Variants in SYMPK observed in about 807,000 individuals in gnomAD.
The protein encoded by SYMPK is symplekin.
In SYMPK, 49 loss-of-function variants were observed where a neutral mutation model predicts 136.4. That is an observed-to-expected ratio of 0.36 (90% CI 0.29 to 0.46). The LOEUF is 0.46. SYMPK is among the 20% of genes least tolerant of loss of function. The pLI is 1.00. For missense variants in SYMPK, 1,365 were observed against 1,690.0 expected, an observed-to-expected ratio of 0.81 and a Z score of 3.37; for synonymous variants, 766 against 713.0, an observed-to-expected ratio of 1.07 and a Z score of -1.19.
chr19:45,838,570 C>A lies in SYMPK; in HGVS notation c.1133G>T (p.Gly378Val). ...EDDEDKDLEP[G>V]PSGTSKASAQ... ...TGAGGCCTTCGAGGTCCCCGACGGG[C>A]CTGGCTCCAAGTCTTTGTCCTCATC... The change falls in exon 10 of 27, where the codon GGC becomes GTC. Residue 378 changes from glycine (G) to valine (V), a missense_variant. Gly to Val is a moderately radical substitution (Grantham distance 109, BLOSUM62 -3). Around this residue, in one of 11 missense-constraint regions of SYMPK, gnomAD observed 111 missense variants for 141.2 expected, o/e 0.79. Transcript: ENST00000245934. 6.2e-7 allele frequency: 1 copy of A among 1,614,220 alleles called. No homozygotes were observed. Among genetic ancestry groups the A allele is most frequent in the Non-Finnish European group, 8.5e-7 (1 of 1,180,038 alleles).
At chr19:45,860,003 A>G (rs1971925407) in intron 1 of SYMPK, among the ~76,000 whole-genome samples, 1 of 149,314 alleles carries the variant, frequency 6.7e-6, no homozygotes, top group Non-Finnish European at 1.5e-5. Context: ...GGTGCCATGA[A>G]CCTTTAGTCC....
In SYMPK at chr19:45,854,491, G is replaced by A. The variant is rs773604683; in HGVS notation, c.5C>T (p.Ala2Val). Residue 2 changes from alanine (A) to valine (V), a missense_variant, in exon 2 of 27, where the codon GCG becomes GTG. Around this residue, in one of 11 missense-constraint regions of SYMPK, gnomAD observed 61 missense variants for 80.7 expected, o/e 0.76. Transcript: ENST00000245934. ...GGTGACGCTGTCTCCACTGCCGCTC[G>A]CCATGGCTGCTGTCAGCTTGTCCCC... is the stretch of plus-strand genomic sequence containing the variant. M[A>V]SGSGDSVTRR... The A allele has an allele frequency of 6.2e-6, 10 of 1,613,526 alleles. No individual in the cohort carries two copies. Among genetic ancestry groups the A allele is most frequent in the Admixed American group, 5.0e-5 (3 of 60,022 alleles).
chr19:45,839,910 GT>G (rs1971395424), intron 9 of SYMPK, among the ~76,000 whole-genome samples: 3 of 152,248 alleles, frequency 2.0e-5, no homozygotes, highest in Admixed American at 2.0e-4. Context: ...ATTTTACATA[GT>G]TTCAAATATC....
At chr19:45,861,068 C>G (rs938395229) in intron 1 of SYMPK, among the ~76,000 whole-genome samples, 11 of 152,140 alleles carry the variant, frequency 7.2e-5, no homozygotes, top group African/African-American at 2.7e-4. Context: ...ACCAGACAAC[C>G]GGCATGGCAT....
In SYMPK at chr19:45,829,121, C is replaced by A. The variant is rs1971112883; in HGVS notation, c.1834G>T (p.Val612Leu). ...AEVLSFILED[V>L]RARLDLAFAW... ...AAGGCCAGGTCCAGGCGGGCCCGCACATCCTCCAGGATGAAGGACAGGACC... is the reference window on the plus strand; with the variant it reads ...AAGGCCAGGTCCAGGCGGGCCCGCAAATCCTCCAGGATGAAGGACAGGACC... The change falls in exon 14 of 27, where the codon GTG (valine) becomes TTG (leucine). Residue 612 changes from valine (V) to leucine (L), a missense_variant. Val to Leu is a conservative substitution (Grantham distance 32, BLOSUM62 1). This residue lies in a region of SYMPK where 303 missense variants were observed against 326.6 expected (regional missense o/e 0.93). Transcript: ENST00000245934. The A allele has an allele frequency of 1.9e-6, 3 of 1,614,198 alleles. No homozygotes were observed. Among genetic ancestry groups the A allele is most frequent in the Non-Finnish European group, 2.5e-6 (3 of 1,180,034 alleles).
chr19:45,835,750 A>G (rs774909416), intron 10 of SYMPK, among the ~76,000 whole-genome samples: 2 of 152,068 alleles, frequency 1.3e-5, no homozygotes, highest in Non-Finnish European at 2.9e-5. Context: ...TGTCTCTACT[A>G]AAAATACAAA....
chr19:45,822,532 G>A (rs1333177872), intron 21 of SYMPK, among the ~76,000 whole-genome samples: 5 of 152,306 alleles, frequency 3.3e-5, no homozygotes, highest in East Asian at 3.9e-4. Context: ...TGGAGCCTCC[G>A]CCCCTAGCTC....
At position 45,821,502 on chromosome 19, in the gene SYMPK, G is replaced by T. The variant is rs370576166; in HGVS notation, c.2792-17C>A. The T allele has an allele frequency of 3.2e-6, 5 of 1,579,150 alleles. No homozygotes were observed. The Admixed American group carries it at 8.4e-5, about 26-fold the overall frequency. On this transcript the variant is annotated splice_polypyrimidine_tract_variant and intron_variant, in intron 21 of 26. Coordinates refer to ENST00000245934, the MANE Select transcript of SYMPK (RefSeq NM_004819.3). This position sits in a 1 kb window ranked among gnomAD's most constrained non-coding sequence, Gnocchi z 4.4. ...TTCCCTCACCTGCAGCAGGCGGGAG[G>T]AAGGGTGGGGGAAGACAGTGCGGAC...
At position 45,847,092 on chromosome 19, in the gene SYMPK, C is replaced by T. The variant is rs796513616; in HGVS notation, c.676+660G>A. Among the ~76,000 whole-genome samples the T allele has an allele frequency of 6.2e-4, 95 of 152,168 alleles. 1 individual carries two copies. Among genetic ancestry groups the T allele is most frequent in the African/African-American group, 2.2e-3 (91 of 41,534 alleles). On this transcript the variant is annotated intron_variant, in intron 7 of 26. Transcript: ENST00000245934. ...TATAAGCATGAGCCACCACACCTGG[C>T]CTATGTCCTACTTTTATAATTTGCA...
chr19:45,829,915 G>A (rs1971128687), intron 13 of SYMPK, 139 bp downstream of exon 13: 1 of 972,262 alleles, frequency 1.0e-6, no homozygotes, highest in Non-Finnish European at 1.5e-6. Flanking sequence ...GGAGTGATCT[G>A]GAGAAGCGGC....
At chr19:45,857,260 AT>A (rs1445790552) in intron 1 of SYMPK, among the ~76,000 whole-genome samples, 4 of 150,350 alleles carry the variant, frequency 2.7e-5, no homozygotes, top group African/African-American at 7.4e-5. Flanking sequence ...ATACAAAAAA[AT>A]ATGCCGGGCA....
chr19:45,816,480 ACCT>A lies in SYMPK; in HGVS notation c.3353_3354+1del, dbSNP rs758308876. 12 of 1,610,040 alleles carry A rather than the reference ACCT, an allele frequency of 7.5e-6. No individual in the cohort carries two copies. In the South Asian group the frequency reaches 7.7e-5, roughly 10 times the overall value. On this transcript the variant is annotated splice_donor_variant and coding_sequence_variant, in exon 25 of 27. Coordinates refer to ENST00000245934, the MANE Select transcript of SYMPK (RefSeq NM_004819.3). LOFTEE classifies it high-confidence loss of function. ...CAGATGGGTGGGCTGCAGGGCCCTC[ACCT>A]CCTCCAAGGGCCCCGCAGGCGCCTC... is the stretch of plus-strand genomic sequence containing the variant.
In SYMPK at chr19:45,844,071, A is replaced by G. The variant is rs910067552; in HGVS notation, c.806T>C (p.Met269Thr). ...SLANIARQRP[M>T]FMSEVIQAYE... ...GGCCTGGATCACCTCAGACATGAACATGGGTCTCTGGCGGGCGATATTGGC... is the reference window on the plus strand; with the variant it reads ...GGCCTGGATCACCTCAGACATGAACGTGGGTCTCTGGCGGGCGATATTGGC... Residue 269 changes from methionine (M) to threonine (T), a missense_variant, in exon 8 of 27, where the codon ATG becomes ACG. Met to Thr is a moderately conservative substitution (Grantham distance 81). Coordinates refer to ENST00000245934, the MANE Select transcript of SYMPK (RefSeq NM_004819.3). 3 of 1,609,032 alleles carry G rather than the reference A, an allele frequency of 1.9e-6. No individual in the cohort carries two copies. The highest frequency in any genetic ancestry group is 2.5e-6 in the Non-Finnish European group (3 of 1,177,630).
intron 3 of SYMPK, among the ~76,000 whole-genome samples, chr19:45,853,869 A>G (rs931642305): frequency 2.0e-5 from 3 of 152,168 alleles, no homozygotes; most frequent in African/African-American, 7.2e-5. Context: ...GCAATGATGA[A>G]GAGTGTAGGA....
Position 45,848,741 on chromosome 19 carries a change from C to A in SYMPK, c.426+9G>T. ...GCAGGATGGCCCTGGGTGGGGAGGG[C>A]GCTCTCACCTGCAGGGCCACCTTGT... On this transcript the variant is annotated intron_variant, in intron 6 of 26. Coordinates refer to ENST00000245934, the MANE Select transcript of SYMPK (RefSeq NM_004819.3). 2 of 1,613,138 alleles carry A rather than the reference C, an allele frequency of 1.2e-6. No individual in the cohort carries two copies. The highest frequency in any genetic ancestry group is 8.5e-7 in the Non-Finnish European group (1 of 1,179,970).
Position 45,821,144 on chromosome 19 carries a change from GA to G in SYMPK, c.2893+239del. On this transcript the variant is annotated intron_variant, in intron 22 of 26. Transcript: ENST00000245934. The surrounding 1 kb of genome is among the most constrained non-coding windows in gnomAD (Gnocchi z 4.4). The stretch of plus-strand genomic sequence containing the variant: ...GGGCACAGCAGGTACATCAGAGGCA[GA>G]AAAAGGTGGGTTGTAAAGGGTAAAA... 5.9e-6 allele frequency: 3 copies of G among 510,646 alleles called. No homozygotes were observed. The highest frequency in any genetic ancestry group is 1.6e-5 in the South Asian group (1 of 63,812). 31.6% of individuals were successfully genotyped at this position (510,646 alleles called of 1,614,324 possible).
rs1235293162 is a variant in SYMPK, at chr19:45,830,100, C to T, written c.1703G>A (p.Arg568Gln). 76 of 1,574,548 alleles carry T rather than the reference C, an allele frequency of 4.8e-5. No individual in the cohort carries two copies. Among genetic ancestry groups the T allele is most frequent in the Non-Finnish European group, 6.1e-5 (71 of 1,158,496 alleles). The change falls in exon 13 of 27, where the codon CGG becomes CAG. Residue 568 changes from arginine (R) to glutamine (Q), a missense_variant. By Grantham distance (43) the Arg-to-Gln change is conservative. This residue lies in a region of SYMPK where 303 missense variants were observed against 326.6 expected (regional missense o/e 0.93). Coordinates refer to ENST00000245934, the MANE Select transcript of SYMPK (RefSeq NM_004819.3). The part of the protein sequence containing the change: ...VEAMKLGAVK[R>Q]ILRAEKAVAC... Reference sequence around the variant, plus strand: ...CACAGCCTTCTCAGCCCGCAGGATCCGCTTCACAGCGCCCAGCTTCATGGC... The same window carrying T: ...CACAGCCTTCTCAGCCCGCAGGATCTGCTTCACAGCGCCCAGCTTCATGGC...
At position 45,852,382 on chromosome 19, in the gene SYMPK, TCTC is replaced by T; in HGVS notation, c.226_228del (p.Glu76del). ...GACTTGTCTGCTTGGAATGCGATGA[TCTC>T]CTGCCAATGTTAGAGAGAAAGTGGA... is the stretch of plus-strand genomic sequence containing the variant. On this transcript the variant is annotated inframe_deletion and splice_region_variant, in exon 5 of 27. Coordinates refer to ENST00000245934, the MANE Select transcript of SYMPK (RefSeq NM_004819.3). 1 of 1,614,098 alleles carries T rather than the reference TCTC, an allele frequency of 6.2e-7. No individual in the cohort carries two copies. Among genetic ancestry groups the T allele is most frequent in the Non-Finnish European group, 8.5e-7 (1 of 1,180,018 alleles).
rs374141154 is a variant in SYMPK at position 45,845,277 on chromosome 19, TATCA to T, written c.677-1081_677-1078del. On this transcript the variant is annotated intron_variant, in intron 7 of 26. Coordinates refer to ENST00000245934, the MANE Select transcript of SYMPK (RefSeq NM_004819.3). ...ACAGGCACATGCCACCATGCTTGGC[TATCA>T]AATACTAGATCTTATTTGTTCTAAC... Among the ~76,000 whole-genome samples the T allele has an allele frequency of 3.9e-3, 589 of 152,180 alleles. 7 individuals are homozygous for T. Among genetic ancestry groups the T allele is most frequent in the African/African-American group, 0.014 (567 of 41,520 alleles).
Sources: allele counts gnomAD v4.1 joint callset (sites outside exome capture counted in the v4.1 genomes callset), GRCh38; gene constraint gnomAD v4.1.1; regional missense constraint gnomAD v4.1.1; non-coding constraint Gnocchi (gnomAD v3.1); transcripts MANE v1.5; gene names NCBI Gene and HGNC (gene_info 2026-07-23, HGNC 2026-07-21).